The following PDE1C variants were observed in gnomAD, a reference collection of about 807,000 sequenced individuals.
PDE1C encodes dual specificity calcium/calmodulin-dependent 3',5'-cyclic nucleotide phosphodiesterase 1C.
A neutral mutation model predicts 93.1 loss-of-function variants in PDE1C; 62 were observed. The observed-to-expected ratio is 0.67, with a 90% CI of 0.54 to 0.82. The LOEUF (loss-of-function observed/expected upper bound fraction) is 0.82. Among genes scored for constraint, PDE1C ranks in the 40% least tolerant of loss-of-function variants. PDE1C has a pLI of 0.00. For synonymous variants in PDE1C, 325 were observed against 310.1 expected (o/e 1.05, Z -0.50); for missense variants, 742 against 884.6 (o/e 0.84, Z 2.04).
intron 1 of PDE1C, among the ~76,000 whole-genome samples, chr7:32,293,370 T>C (rs1334393853): frequency 6.6e-6 from 1 of 152,048 alleles, no homozygotes; most frequent in Non-Finnish European, 1.5e-5. Context: ...TTGCTGACAA[T>C]GGCAACTCCA....
At chr7:31,961,375 T>C (rs1423143166) in intron 2 of PDE1C, among the ~76,000 whole-genome samples, 3 of 152,078 alleles carry the variant, frequency 2.0e-5, no homozygotes, top group African/African-American at 7.2e-5. Context: ...TCTGAATATA[T>C]CTGGTAAAAT....
the PDE1C span, among the ~76,000 whole-genome samples, chr7:31,666,952 A>G: frequency 5.9e-5 from 9 of 152,328 alleles, no homozygotes; most frequent in Admixed American, 5.9e-4. Context: ...GGCTCTAGGC[A>G]TAAGGGCTAG....
intron 16 of PDE1C, among the ~76,000 whole-genome samples, chr7:31,800,244 T>C (rs1019987576): frequency 6.6e-6 from 1 of 151,650 alleles, no homozygotes; most frequent in East Asian, 1.9e-4. Context: ...TAGAGGCTTT[T>C]GATAAAGCAT....
chr7:31,854,690 T>C (rs1335505022), intron 7 of PDE1C, among the ~76,000 whole-genome samples: 1 of 152,180 alleles, frequency 6.6e-6, no homozygotes, highest in Non-Finnish European at 1.5e-5. Flanking sequence ...AGTTGTGACT[T>C]TTCTATGTGA....
chr7:31,861,624 C>A (rs1794711739), intron 7 of PDE1C, among the ~76,000 whole-genome samples: 1 of 152,040 alleles, frequency 6.6e-6, no homozygotes, highest in Non-Finnish European at 1.5e-5. Context: ...ATTCTCGATT[C>A]CCCTCTTTAA....
chr7:32,094,065 C>T (rs774199089), intron 3 of PDE1C, among the ~76,000 whole-genome samples: 76 of 152,334 alleles, frequency 5.0e-4, no homozygotes, highest in African/African-American at 1.7e-3. Flanking sequence ...GTCTTACTCT[C>T]GCAAGTGTCC....
chr7:31,933,807 C>T (rs1252939940), intron 2 of PDE1C, among the ~76,000 whole-genome samples: 1 of 152,196 alleles, frequency 6.6e-6, no homozygotes, highest in Non-Finnish European at 1.5e-5. Flanking sequence ...GACATGCAAG[C>T]TCCCACTTCT....
chr7:31,972,468 A>C (rs991091882), intron 2 of PDE1C, among the ~76,000 whole-genome samples: 3 of 152,196 alleles, frequency 2.0e-5, no homozygotes, highest in Admixed American at 1.3e-4. Flanking sequence ...AGCAAGAGCC[A>C]AAATGTAAAA....
At chr7:31,631,976 G>A in the PDE1C span, among the ~76,000 whole-genome samples, 2 of 152,152 alleles carry the variant, frequency 1.3e-5, no homozygotes, top group Non-Finnish European at 2.9e-5. Context: ...GCACAGCAGA[G>A]GGCCCTGCAG....
rs148396948 is a variant in PDE1C, at chr7:32,259,258, G to A, written c.85+39393C>T. Among the ~76,000 whole-genome samples the A allele has an allele frequency of 3.4e-3, 521 of 152,270 alleles. 4 individuals are homozygous for A. The highest frequency in any genetic ancestry group is 0.012 in the African/African-American group (488 of 41,548). The stretch of plus-strand genomic sequence containing the variant: ...AAAGAGCCAAGGTTGGGGAGGGGCA[G>A]CACGGAGACCCCAACTCAAGGCTTT... On this transcript the variant is annotated intron_variant, in intron 1 of 18. Coordinates refer to the PDE1C transcript ENST00000396193.
At chr7:31,913,662 C>T (rs1801531798) in intron 2 of PDE1C, among the ~76,000 whole-genome samples, 1 of 152,252 alleles carries the variant, frequency 6.6e-6, no homozygotes, top group East Asian at 1.9e-4. Flanking sequence ...AGTCTGAGAG[C>T]TGTGGTCTGG....
At chr7:31,652,676 C>T in the PDE1C span, 2 of 1,613,952 alleles carry the variant, frequency 1.2e-6, no homozygotes, top group Admixed American at 1.7e-5. Flanking sequence ...AGGAGGCTCC[C>T]TGTTCAGGTG....
intron 2 of PDE1C, among the ~76,000 whole-genome samples, chr7:32,195,937 T>C (rs1229195641): frequency 6.6e-6 from 1 of 152,178 alleles, no homozygotes; most frequent in African/African-American, 2.4e-5. Flanking sequence ...ACATGGTCTC[T>C]ACTGACACTG....
chr7:31,659,432 C>T, the PDE1C span, among the ~76,000 whole-genome samples: 1 of 152,236 alleles, frequency 6.6e-6, no homozygotes, highest in African/African-American at 2.4e-5. Context: ...CTCACTCTTT[C>T]CCTGTCTGTT....
At chr7:32,007,097 T>A (rs1239947729) in intron 2 of PDE1C, among the ~76,000 whole-genome samples, 1 of 152,250 alleles carries the variant, frequency 6.6e-6, no homozygotes, top group Non-Finnish European at 1.5e-5. Flanking sequence ...TAAGTGAGTA[T>A]GAAATTTGGA....
chr7:32,169,856 G>T, exon 3 of PDE1C: 1 of 1,612,560 alleles, frequency 6.2e-7, no homozygotes, highest in Non-Finnish European at 8.5e-7. Context: ...TCTCCTCTGG[G>T]GGTCGAGGGT....
chr7:31,628,488 C>T, the PDE1C span, among the ~76,000 whole-genome samples: 6 of 149,120 alleles, frequency 4.0e-5, no homozygotes, highest in South Asian at 4.2e-4. Flanking sequence ...TGAGGAGTCT[C>T]GCTCTGTCAC....
intron 1 of PDE1C, among the ~76,000 whole-genome samples, chr7:32,261,511 G>A (rs918587754): frequency 6.6e-6 from 1 of 152,290 alleles, no homozygotes; most frequent in Non-Finnish European, 1.5e-5. Context: ...CCAGCTCTGC[G>A]TGAATTACTC....
intron 1 of PDE1C, among the ~76,000 whole-genome samples, chr7:32,242,601 G>A (rs1450129348): frequency 6.6e-6 from 1 of 152,184 alleles, no homozygotes; most frequent in Non-Finnish European, 1.5e-5. Flanking sequence ...GGAACAATTG[G>A]AGGTAGCATA....
Sources: allele counts gnomAD v4.1 joint callset (sites outside exome capture counted in the v4.1 genomes callset), GRCh38; gene constraint gnomAD v4.1.1; transcripts MANE v1.5; gene names NCBI Gene and HGNC (gene_info 2026-07-23, HGNC 2026-07-21).